Variants in FGF13 observed in about 807,000 individuals in gnomAD.
FGF13 encodes the protein fibroblast growth factor 13.
Under a neutral mutation model 19.5 loss-of-function variants are expected in FGF13, and 2 were observed. The observed-to-expected ratio is 0.10, with a 90% CI of 0.04 to 0.32. The LOEUF (loss-of-function observed/expected upper bound fraction) is 0.32, where lower values mean the gene tolerates loss of function less well. FGF13 is among the 10% of genes least tolerant of loss of function. The pLI, the probability that FGF13 is intolerant of heterozygous loss-of-function variation, is 1.00. For missense variants in FGF13, 113 were observed against 192.7 expected (o/e 0.59, Z 2.45); for synonymous variants, 72 against 76.9 (o/e 0.94, Z 0.33).
chrX:138,651,381 T>G (rs1382069646), intron 3 of FGF13, among the ~76,000 whole-genome samples: 1 of 112,127 alleles, frequency 8.9e-6, no homozygotes, highest in African/African-American at 3.2e-5. Context: ...GTGAAAATAA[T>G]TTCAGACTAC....
chrX:138,977,212 G>A (rs960608245), intron 1 of FGF13, among the ~76,000 whole-genome samples: 7 of 111,618 alleles, frequency 6.3e-5, no homozygotes, highest in Admixed American at 2.8e-4. Flanking sequence ...TGGTCTGGCC[G>A]GTACTTCTTC....
At chrX:139,157,582 C>G (rs1253483808) in intron 1 of FGF13, among the ~76,000 whole-genome samples, 2 of 112,503 alleles carry the variant, frequency 1.8e-5, no homozygotes, top group African/African-American at 6.5e-5. Context: ...GCCTTCACCC[C>G]ATGCAGGTGT....
chrX:138,739,346 GA>G (rs750256526), exon 1 of FGF13: 24 of 1,097,926 alleles, frequency 2.2e-5, no homozygotes, highest in Non-Finnish European at 3.0e-5. Context: ...GGAGATCAGA[GA>G]AAGTTTAAGG....
chrX:139,161,679 G>A (rs1237981124), intron 1 of FGF13, among the ~76,000 whole-genome samples: 1 of 111,935 alleles, frequency 8.9e-6, no homozygotes. Context: ...ATCTCCTTAA[G>A]CTGATAAGCA....
chrX:139,074,691 G>A (rs753725235), intron 1 of FGF13, among the ~76,000 whole-genome samples: 55 of 112,035 alleles, frequency 4.9e-4, no homozygotes, highest in African/African-American at 1.5e-3. Flanking sequence ...TTACACTAAT[G>A]TTCAAGTGCT....
chrX:138,903,962 G>A (rs752404297), intron 1 of FGF13, among the ~76,000 whole-genome samples: 1 of 111,225 alleles, frequency 9.0e-6, no homozygotes, highest in Non-Finnish European at 1.9e-5. Context: ...GAAGGCCACA[G>A]TGGCAGTTAT....
chrX:139,150,859 A>G (rs1335724376), intron 1 of FGF13, among the ~76,000 whole-genome samples: 2 of 111,279 alleles, frequency 1.8e-5, no homozygotes, highest in Non-Finnish European at 3.8e-5. Flanking sequence ...TACTGTAGTA[A>G]CCTCATGCTA....
chrX:139,085,458 A>G (rs1405875547), intron 1 of FGF13, among the ~76,000 whole-genome samples: 1 of 112,217 alleles, frequency 8.9e-6, no homozygotes, highest in Non-Finnish European at 1.9e-5. Flanking sequence ...AATATTAGCT[A>G]TTAGCCACTG....
chrX:138,859,371 T>C (rs1445110453), intron 2 of FGF13, among the ~76,000 whole-genome samples: 1 of 112,309 alleles, frequency 8.9e-6, no homozygotes, highest in Admixed American at 9.4e-5. Context: ...CATGATTATA[T>C]GGAAACTGAG....
At chrX:138,896,317 A>G (rs1416757397) in intron 1 of FGF13, among the ~76,000 whole-genome samples, 1 of 111,588 alleles carries the variant, frequency 9.0e-6, no homozygotes, top group Non-Finnish European at 1.9e-5. Context: ...TCAATTTAAA[A>G]TAAAAGTTAA....
intron 1 of FGF13, among the ~76,000 whole-genome samples, chrX:138,913,182 C>CTTTTTTTTTTTTTTTT (rs35078012): frequency 1.6e-4 from 6 of 37,094 alleles, no homozygotes; most frequent in African/African-American, 7.5e-4. Context: ...AAAGCATCTA[C>CTTTTTTTTTTTTTTTT]TTTTTTTTTT....
intron 1 of FGF13, among the ~76,000 whole-genome samples, chrX:138,983,907 T>C (rs994500692): frequency 9.0e-5 from 10 of 110,745 alleles, no homozygotes; most frequent in African/African-American, 3.0e-4. Context: ...CTGTTTAACA[T>C]TTTGCCTATA....
chrX:138,973,983 C>G (rs2091929928), intron 1 of FGF13, among the ~76,000 whole-genome samples: 1 of 111,496 alleles, frequency 9.0e-6, no homozygotes, highest in East Asian at 2.8e-4. Flanking sequence ...TGACTGGTAG[C>G]TTTATAAGAA....
intron 3 of FGF13, among the ~76,000 whole-genome samples, chrX:138,788,357 T>A (rs1053377675): frequency 3.6e-5 from 4 of 112,078 alleles, no homozygotes; most frequent in African/African-American, 6.5e-5. Flanking sequence ...GAGATGGAGG[T>A]CTCGTCTCCT....
chrX:139,038,612 G>A (rs1332108342), intron 1 of FGF13, among the ~76,000 whole-genome samples: 1 of 111,713 alleles, frequency 9.0e-6, no homozygotes, highest in African/African-American at 3.3e-5. Flanking sequence ...CTTTCTATAT[G>A]CTGTTCCCTC....
chrX:138,785,891 A>G (rs977419238), intron 3 of FGF13, among the ~76,000 whole-genome samples: 2 of 111,586 alleles, frequency 1.8e-5, no homozygotes, highest in African/African-American at 6.5e-5. Context: ...TTACCCACAA[A>G]TCATCTCTCC....
At chrX:139,144,803 T>G (rs111585743) in intron 1 of FGF13, among the ~76,000 whole-genome samples, 6,669 of 111,116 alleles carry the variant, frequency 0.06, 392 homozygotes, top group African/African-American at 0.18. Flanking sequence ...AAAAAAACAG[T>G]ACTCCAAAGA....
intron 1 of FGF13, among the ~76,000 whole-genome samples, chrX:139,102,572 A>T (rs1569453341): frequency 8.0e-5 from 9 of 112,348 alleles, no homozygotes; most frequent in Admixed American, 3.8e-4. Context: ...GTAAGGATGT[A>T]GTAAAAGACC....
intron 3 of FGF13, among the ~76,000 whole-genome samples, chrX:138,790,530 C>T (rs144050803): frequency 0.011 from 1,228 of 110,985 alleles, 7 homozygotes; most frequent in Non-Finnish European, 0.018. Flanking sequence ...CCTGGCGAAC[C>T]CACCTCAGAA....
Sources: gnomAD v4.1 joint callset for allele counts (sites outside exome capture counted in the v4.1 genomes callset) on GRCh38, gnomAD v4.1.1 for gene constraint, MANE v1.5 for transcripts, NCBI Gene and HGNC (gene_info 2026-07-23, HGNC 2026-07-21) for gene names.